The following AUTS2 variants were observed in gnomAD, a reference collection of about 807,000 sequenced individuals.
AUTS2 encodes the protein autism susceptibility gene 2 protein.
In AUTS2, 17 loss-of-function variants were observed where a neutral mutation model predicts 112.4. That is an observed-to-expected ratio of 0.15 (90% CI 0.10 to 0.23). The LOEUF (loss-of-function observed/expected upper bound fraction) is 0.23. Ranked by LOEUF, AUTS2 falls within the 10% of genes least tolerant of loss-of-function variation. The pLI is 1.00. For missense variants in AUTS2, 1,510 were observed against 1,701.6 expected, an observed-to-expected ratio of 0.89 and a Z score of 1.98; for synonymous variants, 751 against 702.7, an observed-to-expected ratio of 1.07 and a Z score of -1.09.
intron 2 of AUTS2, among the ~76,000 whole-genome samples, chr7:70,073,417 A>G (rs1180337742): frequency 6.6e-6 from 1 of 151,436 alleles, no homozygotes; most frequent in Admixed American, 6.6e-5. Context: ...GGGCTGTGGC[A>G]GGAGAATTAC....
At chr7:70,302,928 A>G (rs1490318975) in intron 4 of AUTS2, among the ~76,000 whole-genome samples, 2 of 131,514 alleles carry the variant, frequency 1.5e-5, no homozygotes, top group Admixed American at 8.1e-5. Flanking sequence ...TTTTTTGGCC[A>G]TCATTTCCAT....
At chr7:70,414,895 G>A (rs1179090778) in intron 4 of AUTS2, among the ~76,000 whole-genome samples, 4 of 152,150 alleles carry the variant, frequency 2.6e-5, no homozygotes, top group African/African-American at 9.7e-5. Context: ...TTTCTTTACA[G>A]CCTGGAACAG....
At chr7:70,132,961 A>G (rs1475129565) in intron 3 of AUTS2, among the ~76,000 whole-genome samples, 2 of 152,140 alleles carry the variant, frequency 1.3e-5, no homozygotes, top group Admixed American at 6.6e-5. Context: ...CTGCTGCTGC[A>G]TGGAGGGCTG....
At chr7:70,040,812 G>A (rs1052462636) in intron 2 of AUTS2, among the ~76,000 whole-genome samples, 3 of 152,318 alleles carry the variant, frequency 2.0e-5, no homozygotes, top group East Asian at 1.9e-4. Flanking sequence ...ACCCTGGGGC[G>A]CCATTTCTGT....
chr7:70,206,831 G>C (rs931128372), intron 4 of AUTS2, among the ~76,000 whole-genome samples: 2 of 152,176 alleles, frequency 1.3e-5, no homozygotes, highest in African/African-American at 4.8e-5. Flanking sequence ...GTTGTATTCT[G>C]AGTGCTCCCT....
intron 1 of AUTS2, among the ~76,000 whole-genome samples, chr7:69,706,445 G>A (rs1003665608): frequency 3.9e-5 from 6 of 152,162 alleles, no homozygotes; most frequent in African/African-American, 1.4e-4. Context: ...CTTCCTCCCA[G>A]AAGTAGCTCA....
intron 6 of AUTS2, among the ~76,000 whole-genome samples, chr7:70,747,714 G>T (rs1788544648): frequency 6.6e-6 from 1 of 151,968 alleles, no homozygotes; most frequent in African/African-American, 2.4e-5. Context: ...TTGAACTCTT[G>T]ACCTCAGGTG....
At chr7:70,098,226 G>T (rs1038140851) in intron 2 of AUTS2, among the ~76,000 whole-genome samples, 2 of 152,194 alleles carry the variant, frequency 1.3e-5, no homozygotes, top group African/African-American at 4.8e-5. Context: ...ACAGGAAACA[G>T]ACAATTTATT....
At chr7:70,306,160 GA>G (rs1453292106) in intron 4 of AUTS2, among the ~76,000 whole-genome samples, 4 of 152,206 alleles carry the variant, frequency 2.6e-5, no homozygotes, top group Admixed American at 2.0e-4. Context: ...GGTTTTATTA[GA>G]AAGGGAAATG....
At chr7:70,592,558 C>T (rs907711854) in intron 5 of AUTS2, among the ~76,000 whole-genome samples, 7 of 152,024 alleles carry the variant, frequency 4.6e-5, no homozygotes, top group South Asian at 2.1e-4. Context: ...TATGAGGTAT[C>T]ACCATGTTGG....
At chr7:69,824,166 C>T (rs576663680) in intron 1 of AUTS2, among the ~76,000 whole-genome samples, 2 of 152,034 alleles carry the variant, frequency 1.3e-5, no homozygotes, top group African/African-American at 4.8e-5. Flanking sequence ...GTAATCCCAG[C>T]ACTGTGGGAG....
At chr7:69,984,068 C>T (rs1215817876) in intron 2 of AUTS2, among the ~76,000 whole-genome samples, 1 of 152,000 alleles carries the variant, frequency 6.6e-6, no homozygotes, top group Non-Finnish European at 1.5e-5. Flanking sequence ...AGATTTTGAC[C>T]TAACGTTGAT....
chr7:70,352,271 GT>G (rs1242831967), intron 4 of AUTS2, among the ~76,000 whole-genome samples: 2 of 152,296 alleles, frequency 1.3e-5, no homozygotes, highest in East Asian at 3.9e-4. Context: ...TCAGTTGTCA[GT>G]TTTTGTTTGC....
chr7:69,749,832 AT>A, intron 1 of AUTS2, among the ~76,000 whole-genome samples: 1 of 152,148 alleles, frequency 6.6e-6, no homozygotes, highest in African/African-American at 2.4e-5. Context: ...AAGTGAATTC[AT>A]TTTGCCTCTT....
At chr7:70,607,066 A>T (rs962693210) in intron 5 of AUTS2, among the ~76,000 whole-genome samples, 3 of 152,016 alleles carry the variant, frequency 2.0e-5, no homozygotes, top group Non-Finnish European at 4.4e-5. Flanking sequence ...ATTCGGAGTG[A>T]TTTGGAGTGT....
intron 6 of AUTS2, among the ~76,000 whole-genome samples, chr7:70,761,387 T>G (rs1297805652): frequency 6.6e-6 from 1 of 152,248 alleles, no homozygotes; most frequent in Non-Finnish European, 1.5e-5. Flanking sequence ...TCCCGTTTGA[T>G]ACAATGAGGT....
chr7:69,951,110 G>A (rs1182641727), intron 2 of AUTS2, among the ~76,000 whole-genome samples: 1 of 152,096 alleles, frequency 6.6e-6, no homozygotes, highest in Non-Finnish European at 1.5e-5. Flanking sequence ...AACAGTGATT[G>A]CTTTAGATAA....
intron 1 of AUTS2, among the ~76,000 whole-genome samples, chr7:69,695,265 G>T (rs1224742333): frequency 6.6e-6 from 1 of 152,116 alleles, no homozygotes; most frequent in African/African-American, 2.4e-5. Flanking sequence ...AGAGATCAAG[G>T]CCGCCGTGAA....
At chr7:70,506,815 A>G (rs1451714101) in intron 5 of AUTS2, among the ~76,000 whole-genome samples, 1 of 152,174 alleles carries the variant, frequency 6.6e-6, no homozygotes, top group Non-Finnish European at 1.5e-5. Flanking sequence ...TCTTATCTAT[A>G]TGGGGGAAAT....
Sources: allele counts gnomAD v4.1 joint callset (sites outside exome capture counted in the v4.1 genomes callset), GRCh38; gene constraint gnomAD v4.1.1; transcripts MANE v1.5; gene names NCBI Gene and HGNC (gene_info 2026-07-23, HGNC 2026-07-21).